Variants in CYLD observed in about 807,000 individuals in gnomAD.
CYLD encodes ubiquitin carboxyl-terminal hydrolase CYLD.
A neutral mutation model predicts 104.5 loss-of-function variants in CYLD; 26 were observed. The ratio of observed to expected loss-of-function variants is 0.25; its 90% CI spans 0.18 to 0.35. CYLD has a LOEUF of 0.35. CYLD is among the 10% of genes least tolerant of loss of function. CYLD has a pLI of 1.00. For synonymous variants in CYLD, 385 were observed against 399.9 expected (o/e 0.96, Z 0.45); for missense variants, 703 against 1,136.1 (o/e 0.62, Z 5.48).
rs139058980 is a variant in CYLD, at chr16:50,774,672, C to T, written c.914-494C>T. Among the ~76,000 whole-genome samples, 328 of 152,222 alleles carry T rather than the reference C, an allele frequency of 2.2e-3. 3 individuals carry two copies. Among genetic ancestry groups the T allele is most frequent in the African/African-American group, 7.1e-3 (295 of 41,540 alleles). On this transcript the variant is annotated intron_variant, in intron 5 of 18. Transcript: ENST00000427738. ...GGAGATGCTGGACGGGGATGGGTTA[C>T]GTCAGGGGTTATGGATTAGGATGGT...
intron 5 of CYLD, among the ~76,000 whole-genome samples, chr16:50,770,205 TAAG>T (rs1968993427): frequency 6.6e-6 from 1 of 152,240 alleles, no homozygotes; most frequent in Non-Finnish European, 1.5e-5. Context: ...TTTAGTTTCT[TAAG>T]AAACCGCTAA....
intron 8 of CYLD, 34 bp downstream of exon 8, chr16:50,777,975 C>G: frequency 8.4e-7 from 1 of 1,190,576 alleles, no homozygotes; most frequent in Non-Finnish European, 1.3e-6. Context: ...TTATAATGAT[C>G]CTTTCTTTCT....
At chr16:50,756,269 A>C (rs1967227811) in intron 5 of CYLD, among the ~76,000 whole-genome samples, 1 of 152,192 alleles carries the variant, frequency 6.6e-6, no homozygotes, top group African/African-American at 2.4e-5. Flanking sequence ...AATTAGAAGG[A>C]TCGGAAAATG....
chr16:50,775,883 A>T (rs1969626722), intron 6 of CYLD, among the ~76,000 whole-genome samples: 1 of 152,206 alleles, frequency 6.6e-6, no homozygotes, highest in African/African-American at 2.4e-5. Context: ...GTGTTTTAAG[A>T]GATCAAATAA....
chr16:50,796,046 T>C (rs1447836458), intron 18 of CYLD, among the ~76,000 whole-genome samples: 2 of 152,182 alleles, frequency 1.3e-5, no homozygotes, highest in Non-Finnish European at 2.9e-5. Context: ...ATTGATAATA[T>C]GATTCAGAGA....
At position 50,797,465 on chromosome 16, in the gene CYLD, C is replaced by T. The variant is rs2151050195; in HGVS notation, c.*957C>T. 1 of 232,410 alleles carries T rather than the reference C, an allele frequency of 4.3e-6. No individual in the cohort carries two copies. Among genetic ancestry groups the T allele is most frequent in the Admixed American group, 5.6e-5 (1 of 17,782 alleles). 14.4% of individuals were successfully genotyped at this position (232,410 alleles called of 1,614,324 possible). On this transcript the variant is annotated 3_prime_UTR_variant, in exon 19 of 19. Coordinates refer to ENST00000427738, the MANE Select transcript of CYLD (RefSeq NM_001378743.1). ...TAAGTTTGATCTGTCAGCCAGTACT[C>T]CCATTAAATTCAGTGTAGTTTCACT... is the stretch of plus-strand genomic sequence containing the variant.
intron 16 of CYLD, among the ~76,000 whole-genome samples, chr16:50,793,115 TACACACACACAC>T (rs3064638): frequency 5.7e-4 from 83 of 145,142 alleles, no homozygotes; most frequent in Admixed American, 2.6e-3. Flanking sequence ...AGGAGCCATA[TACACACACACAC>T]ACACACACAC....
intron 5 of CYLD, among the ~76,000 whole-genome samples, chr16:50,774,521 T>C (rs1479281799): frequency 6.6e-6 from 1 of 152,248 alleles, no homozygotes; most frequent in East Asian, 1.9e-4. Flanking sequence ...ACTACTCGTG[T>C]ACTTCAGGAC....
At chr16:50,778,765 C>T (rs1449420230) in intron 8 of CYLD, among the ~76,000 whole-genome samples, 2 of 152,162 alleles carry the variant, frequency 1.3e-5, no homozygotes, top group Non-Finnish European at 2.9e-5. Context: ...GTCTCCCAGC[C>T]TTTAGAGTTT....
intron 11 of CYLD, chr16:50,783,850 C>T (rs1970533374): frequency 5.5e-6 from 1 of 180,680 alleles, no homozygotes; most frequent in Non-Finnish European, 1.2e-5. Flanking sequence ...GTTAGTCACT[C>T]ATAAGTGATT....
At position 50,777,939 on chromosome 16, in the gene CYLD, A is replaced by C; in HGVS notation, c.1136A>C (p.Glu379Ala). ...TCAAAAAATACATGGTACATTGATGAAGGTAATCAGTAATTTTAGTGTTCT... is the reference window on the plus strand; with the variant it reads ...TCAAAAAATACATGGTACATTGATGCAGGTAATCAGTAATTTTAGTGTTCT... ...SKSKNTWYID[E>A]VAEDPAKSLT... Residue 379 changes from glutamate to alanine, a missense_variant and splice_region_variant, in exon 8 of 19, where the codon GAA becomes GCA. Around this residue, in one of 5 missense-constraint regions of CYLD, gnomAD observed 183 missense variants for 212.1 expected, o/e 0.86. Coordinates refer to ENST00000427738, the MANE Select transcript of CYLD (RefSeq NM_001378743.1). 1 of 1,483,726 alleles carries C rather than the reference A, an allele frequency of 6.7e-7. No homozygotes were observed. Among genetic ancestry groups the C allele is most frequent in the African/African-American group, 1.4e-5 (1 of 72,446 alleles). 91.9% of individuals were successfully genotyped at this position (1,483,726 alleles called of 1,614,324 possible).
At chr16:50,760,934 G>A (rs1452400732) in intron 5 of CYLD, among the ~76,000 whole-genome samples, 2 of 152,136 alleles carry the variant, frequency 1.3e-5, no homozygotes, top group African/African-American at 2.4e-5. Context: ...GGAACTTATA[G>A]CTTTCCCATG....
chr16:50,788,084 C>T (rs1030053508), intron 14 of CYLD, among the ~76,000 whole-genome samples: 1 of 152,136 alleles, frequency 6.6e-6, no homozygotes, highest in African/African-American at 2.4e-5. Flanking sequence ...ATTTTTAACC[C>T]TAGCGATAAG....
intron 11 of CYLD, 55 bp from the exon 12 acceptor site, chr16:50,784,274 G>C: frequency 6.3e-7 from 1 of 1,576,138 alleles, no homozygotes; most frequent in South Asian, 1.1e-5. Context: ...TTAAAAATCT[G>C]TTTCTTGAAA....
chr16:50,766,863 G>T (rs1968578706), intron 5 of CYLD, among the ~76,000 whole-genome samples: 1 of 152,170 alleles, frequency 6.6e-6, no homozygotes, highest in Non-Finnish European at 1.5e-5. Context: ...GATGAAGAAA[G>T]GAAAAGTGGT....
chr16:50,762,471 C>T (rs16948792), intron 5 of CYLD, among the ~76,000 whole-genome samples: 21,802 of 151,696 alleles, frequency 0.14, 5,002 homozygotes, highest in African/African-American at 0.49. Context: ...TGAGCCCTGT[C>T]ATTTCCCTAC....
chr16:50,774,753 C>T (rs1402623329), intron 5 of CYLD, among the ~76,000 whole-genome samples: 1 of 152,146 alleles, frequency 6.6e-6, no homozygotes, highest in Non-Finnish European at 1.5e-5. Context: ...TACGAATTGT[C>T]TGTTTCTGCA....
intron 10 of CYLD, among the ~76,000 whole-genome samples, 177 bp from the exon 11 acceptor site, chr16:50,782,148 G>A (rs1403358234): frequency 6.6e-6 from 1 of 152,066 alleles, no homozygotes; most frequent in African/African-American, 2.4e-5. Context: ...ATGAACAATA[G>A]CAATTTTTAT....
chr16:50,752,763 C>A (rs559229909), intron 4 of CYLD, among the ~76,000 whole-genome samples: 2 of 152,172 alleles, frequency 1.3e-5, no homozygotes, highest in Admixed American at 6.5e-5. Flanking sequence ...TGGAATCATA[C>A]AACATTTGAC....
Sources: allele counts gnomAD v4.1 joint callset (sites outside exome capture counted in the v4.1 genomes callset), GRCh38; gene constraint gnomAD v4.1.1; regional missense constraint gnomAD v4.1.1; transcripts MANE v1.5; gene names NCBI Gene and HGNC (gene_info 2026-07-23, HGNC 2026-07-21).